FUBP3: variants seen among roughly 807,000 people sequenced by gnomAD.
FUBP3 encodes far upstream element binding protein 3, also known as far upstream element-binding protein 3.
Under a neutral mutation model 85.6 loss-of-function variants are expected in FUBP3, and 28 were observed. That is an observed-to-expected ratio of 0.33 (90% CI 0.24 to 0.45). The LOEUF is 0.45. FUBP3 is among the 20% of genes least tolerant of loss of function. The pLI is 1.00. For synonymous variants in FUBP3, 271 were observed against 271.4 expected (o/e 1.00, Z 0.01); for missense variants, 583 against 755.1 (o/e 0.77, Z 2.67).
At chr9:130,632,082 T>G in intron 15 of FUBP3, 60 bp downstream of exon 15, 1 of 1,490,978 alleles carries the variant, frequency 6.7e-7, no homozygotes, top group Non-Finnish European at 9.4e-7. Context: ...CACTTGGCTA[T>G]TGCCGACAGG....
At position 130,587,067 on chromosome 9, in the gene FUBP3, T is replaced by G. The variant is rs1156942327; in HGVS notation, c.84+7303T>G. On this transcript the variant is annotated intron_variant, in intron 1 of 18. Coordinates refer to ENST00000319725, the MANE Select transcript of FUBP3 (RefSeq NM_003934.2). ...CCCGGCGTTTTTTGTTTTTTTTTTT[T>G]GTTTGTTTGTTTTTTTGAGATGGAG... Among the ~76,000 whole-genome samples the G allele has an allele frequency of 5.0e-4, 62 of 124,156 alleles. 2 individuals carry two copies. Among genetic ancestry groups the G allele is most frequent in the African/African-American group, 1.5e-3 (54 of 35,308 alleles). The allele number at this position is 124,156 out of a possible 152,430, so 81.5% of individuals were successfully genotyped here.
In FUBP3 at chr9:130,637,105, AC is replaced by A; in HGVS notation, c.*85del. 1.8e-6 allele frequency: 2 copies of A among 1,092,466 alleles called. No individual in the cohort carries two copies. The highest frequency in any genetic ancestry group is 2.8e-6 in the Non-Finnish European group (2 of 704,890). 67.7% of individuals were successfully genotyped at this position (1,092,466 alleles called of 1,614,324 possible). On this transcript the variant is annotated 3_prime_UTR_variant, in exon 19 of 19. Transcript: ENST00000319725. ...GTAACAGAGGTTTTTACATTTGCAA[AC>A]CTTTTGATGAAGAACTGTTGTTTTG...
At chr9:130,636,480 G>A (rs544601781) in intron 18 of FUBP3, among the ~76,000 whole-genome samples, 43 of 152,352 alleles carry the variant, frequency 2.8e-4, no homozygotes, top group South Asian at 1.2e-3. Context: ...CAGAGGGTGC[G>A]CTCCGGCGAC....
Position 130,612,518 on chromosome 9 carries a change from G to A in FUBP3, c.274+13G>A. 3.3e-6 allele frequency: 5 copies of A among 1,512,466 alleles called. No homozygotes were observed. The highest frequency in any genetic ancestry group is 4.6e-6 in the Non-Finnish European group (5 of 1,089,144). 93.7% of individuals were successfully genotyped at this position (1,512,466 alleles called of 1,614,324 possible). A position where few individuals can be genotyped will look rare whatever the true frequency, so the allele number is the denominator to read the frequency against. On this transcript the variant is annotated intron_variant, in intron 4 of 18. Coordinates refer to ENST00000319725, the MANE Select transcript of FUBP3 (RefSeq NM_003934.2). The surrounding 1 kb of genome is among the most constrained non-coding windows in gnomAD (Gnocchi z 4.1). ...ATGGTTGGATTTAGTAAGTATCCAT[G>A]TTGTCTACTTTTTCCCTGATTCCTG...
chr9:130,603,347 C>CAAAA (rs34850259), intron 2 of FUBP3, among the ~76,000 whole-genome samples: 1,258 of 83,424 alleles, frequency 0.015, 45 homozygotes, highest in African/African-American at 0.047. Context: ...ACTCTGTCTC[C>CAAAA]AAAAAAAAAA....
intron 2 of FUBP3, among the ~76,000 whole-genome samples, chr9:130,608,498 A>G (rs1043804996): frequency 6.6e-6 from 1 of 152,174 alleles, no homozygotes. Flanking sequence ...AACATTATTC[A>G]GGGGCTGAGT....
rs990779676 is a variant in FUBP3 at position 130,635,397 on chromosome 9, T to C, written c.1583-602T>C. On this transcript the variant is annotated intron_variant, in intron 17 of 18. Transcript: ENST00000319725. The surrounding 1 kb of genome is among the most constrained non-coding windows in gnomAD (Gnocchi z 4.3). ...TGTTTAAAGAGGTATCTCACGTGCCTTGTGTTTGGAGGATGTTTCTTGCTG... is the reference window on the plus strand; with the variant it reads ...TGTTTAAAGAGGTATCTCACGTGCCCTGTGTTTGGAGGATGTTTCTTGCTG... Among the ~76,000 whole-genome samples, 8 of 152,148 alleles carry C rather than the reference T, an allele frequency of 5.3e-5. No homozygotes were observed. Among genetic ancestry groups the C allele is most frequent in the Non-Finnish European group, 1.0e-4 (7 of 68,018 alleles).
intron 15 of FUBP3, 50 bp downstream of exon 15, chr9:130,632,072 C>A: frequency 6.7e-7 from 1 of 1,500,762 alleles, no homozygotes; most frequent in Non-Finnish European, 9.3e-7. Flanking sequence ...CTAAGGTGGT[C>A]ACTTGGCTAT....
intron 1 of FUBP3, among the ~76,000 whole-genome samples, chr9:130,584,913 A>G (rs916470062): frequency 6.6e-6 from 1 of 152,008 alleles, no homozygotes; most frequent in Non-Finnish European, 1.5e-5. Context: ...CTGTAATCCC[A>G]GCACTTTGGG....
intron 2 of FUBP3, among the ~76,000 whole-genome samples, chr9:130,601,032 G>C (rs577388250): frequency 6.6e-6 from 1 of 152,260 alleles, no homozygotes; most frequent in Non-Finnish European, 1.5e-5. Flanking sequence ...TACGCTATTG[G>C]AGTTCAAAAA....
At chr9:130,594,559 G>C (rs1171756669) in intron 1 of FUBP3, among the ~76,000 whole-genome samples, 1 of 152,030 alleles carries the variant, frequency 6.6e-6, no homozygotes, top group Non-Finnish European at 1.5e-5. Context: ...CTCCAGCCTG[G>C]GCAACAAGAG....
rs201114029 is a variant in FUBP3, at chr9:130,622,726, G to T, written c.790G>T (p.Ala264Ser). Residue 264 changes from alanine (A) to serine (S), a missense_variant, in exon 10 of 19, where the codon GCT (alanine) becomes TCT (serine). Physicochemically the swap from Ala to Ser is moderately conservative, Grantham distance 99. This residue lies in a region of FUBP3 where 404 missense variants were observed against 516.8 expected (regional missense o/e 0.78). Transcript: ENST00000319725. ...GSIEVSVPRF[A>S]VGIVIGRNGE... The stretch of plus-strand genomic sequence containing the variant: ...TGCCTAGGTATCTGTGCCTAGGTTT[G>T]CTGTGGGGATTGTAATAGGAAGAAA... The T allele has an allele frequency of 7.1e-5, 113 of 1,586,622 alleles. No homozygotes were observed. The highest frequency in any genetic ancestry group is 4.3e-6 in the Non-Finnish European group (5 of 1,158,114).
At chr9:130,589,957 C>G (rs998606015) in intron 1 of FUBP3, among the ~76,000 whole-genome samples, 10 of 148,566 alleles carry the variant, frequency 6.7e-5, no homozygotes, top group Non-Finnish European at 1.5e-4. Flanking sequence ...CTCAAACGAT[C>G]CTCCTACCCC....
At chr9:130,580,028 G>T (rs1264803415) in intron 1 of FUBP3, among the ~76,000 whole-genome samples, 1 of 152,226 alleles carries the variant, frequency 6.6e-6, no homozygotes, top group Non-Finnish European at 1.5e-5. Context: ...GCCCCATCGT[G>T]CCCCAGCGGC....
chr9:130,628,954 A>C (rs1830102499), intron 12 of FUBP3, among the ~76,000 whole-genome samples: 1 of 152,080 alleles, frequency 6.6e-6, no homozygotes, highest in South Asian at 2.1e-4. Flanking sequence ...TTTTTAGTAG[A>C]GACGGGGTTT....
rs1320392160 is a variant in FUBP3 at position 130,635,351 on chromosome 9, T to C, written c.1582+613T>C. Among the ~76,000 whole-genome samples the C allele has an allele frequency of 3.3e-5, 5 of 152,312 alleles. No individual in the cohort carries two copies. The East Asian group carries it at 9.6e-4, about 29-fold the overall frequency. On this transcript the variant is annotated intron_variant, in intron 17 of 18. Coordinates refer to ENST00000319725, the MANE Select transcript of FUBP3 (RefSeq NM_003934.2). The surrounding 1 kb of genome is among the most constrained non-coding windows in gnomAD (Gnocchi z 4.3). ...CTCTCGGGATATATCCCACGATTAC[T>C]AGACCGGAGGACTGAGGGCTTGTTT...
chr9:130,583,660 G>A (rs1439260648), intron 1 of FUBP3, among the ~76,000 whole-genome samples: 3 of 152,156 alleles, frequency 2.0e-5, no homozygotes, highest in Non-Finnish European at 4.4e-5. Context: ...GAAATCCACG[G>A]GCTGCTCCTG....
chr9:130,626,797 G>T (rs768631656), intron 12 of FUBP3, among the ~76,000 whole-genome samples: 11 of 152,176 alleles, frequency 7.2e-5, no homozygotes, highest in African/African-American at 1.7e-4. Flanking sequence ...GATACCTTGC[G>T]CAAGATGGGG....
intron 5 of FUBP3, among the ~76,000 whole-genome samples, chr9:130,613,875 G>C (rs114370777): frequency 0.01 from 1,597 of 152,346 alleles, 32 homozygotes; most frequent in African/African-American, 0.037. Flanking sequence ...GTATGGTCCT[G>C]ATGTGCGTGT....
Sources: allele counts gnomAD v4.1 joint callset (sites outside exome capture counted in the v4.1 genomes callset), GRCh38; gene constraint gnomAD v4.1.1; regional missense constraint gnomAD v4.1.1; non-coding constraint Gnocchi (gnomAD v3.1); transcripts MANE v1.5; gene names NCBI Gene and HGNC (gene_info 2026-07-23, HGNC 2026-07-21).